CTNNA3: variants seen among roughly 807,000 people sequenced by gnomAD.
CTNNA3 encodes catenin alpha-3.
In CTNNA3, 76 loss-of-function variants were observed where a neutral mutation model predicts 95.7. The observed-to-expected ratio is 0.79, with a 90% CI of 0.66 to 0.96. The LOEUF (loss-of-function observed/expected upper bound fraction) is 0.96, where lower values mean the gene tolerates loss of function less well. Ranked by LOEUF, CTNNA3 falls within the 40% of genes least tolerant of loss-of-function variation. The pLI is 0.00. For missense variants in CTNNA3, 1,191 were observed against 1,089.8 expected (o/e 1.09, Z -1.31); for synonymous variants, 431 against 374.4 (o/e 1.15, Z -1.74).
chr10:67,589,784 CAT>C (rs1387849846), intron 3 of CTNNA3, among the ~76,000 whole-genome samples: 1 of 152,100 alleles, frequency 6.6e-6, no homozygotes, highest in Non-Finnish European at 1.5e-5. Context: ...GTGGGGATCT[CAT>C]AGTACTACTA....
intron 10 of CTNNA3, among the ~76,000 whole-genome samples, chr10:66,614,085 T>TA (rs1487372871): frequency 6.6e-6 from 1 of 152,138 alleles, no homozygotes; most frequent in Admixed American, 6.6e-5. Flanking sequence ...AAGTGTGTGC[T>TA]AAATACATCA....
At chr10:66,589,338 A>G (rs560585416) in intron 10 of CTNNA3, among the ~76,000 whole-genome samples, 5 of 152,164 alleles carry the variant, frequency 3.3e-5, no homozygotes, top group South Asian at 2.1e-4. Flanking sequence ...AAATTCTTCT[A>G]TTTCACTTTG....
intron 17 of CTNNA3, among the ~76,000 whole-genome samples, chr10:65,938,481 A>G (rs2077377550): frequency 1.3e-5 from 2 of 152,216 alleles, no homozygotes; most frequent in Admixed American, 6.5e-5. Flanking sequence ...ATAAGTATAT[A>G]GTGAGATGAC....
chr10:67,137,311 T>TA (rs11414842), intron 7 of CTNNA3, among the ~76,000 whole-genome samples: 86,207 of 151,878 alleles, frequency 0.57, 25,539 homozygotes, highest in African/African-American at 0.75. Context: ...TTTTCTGTAT[T>TA]AAAAAAATAT....
intron 5 of CTNNA3, among the ~76,000 whole-genome samples, chr10:67,503,438 C>G (rs1206923685): frequency 6.6e-6 from 1 of 152,164 alleles, no homozygotes; most frequent in Non-Finnish European, 1.5e-5. Context: ...ATATGTCTAT[C>G]TTAACTATTT....
chr10:67,441,630 T>C (rs1846521045), intron 5 of CTNNA3, among the ~76,000 whole-genome samples: 1 of 152,138 alleles, frequency 6.6e-6, no homozygotes, highest in Non-Finnish European at 1.5e-5. Flanking sequence ...CAGTGGTAAC[T>C]TTATAGGCCA....
At chr10:66,251,391 C>A (rs946805353) in intron 13 of CTNNA3, among the ~76,000 whole-genome samples, 1 of 151,936 alleles carries the variant, frequency 6.6e-6, no homozygotes, top group Non-Finnish European at 1.5e-5. Flanking sequence ...GGTGATTTTG[C>A]TTTGTTAGGA....
intron 12 of CTNNA3, among the ~76,000 whole-genome samples, chr10:66,333,881 T>A (rs1431201082): frequency 2.0e-5 from 3 of 151,752 alleles, no homozygotes; most frequent in Admixed American, 6.6e-5. Flanking sequence ...TTTGTAGGTC[T>A]CTAGGGACTT....
At chr10:67,115,320 C>A (rs1036858347) in intron 7 of CTNNA3, among the ~76,000 whole-genome samples, 25 of 146,594 alleles carry the variant, frequency 1.7e-4, no homozygotes, top group African/African-American at 6.5e-4. Context: ...TTTTCAGTAA[C>A]AGATTTGGGG....
chr10:67,205,120 G>A (rs955231109), intron 6 of CTNNA3, among the ~76,000 whole-genome samples: 1 of 152,156 alleles, frequency 6.6e-6, no homozygotes, highest in African/African-American at 2.4e-5. Flanking sequence ...TTTAGTTTGG[G>A]GGAAGGGTTA....
intron 7 of CTNNA3, among the ~76,000 whole-genome samples, chr10:66,964,355 C>A (rs958613439): frequency 1.3e-5 from 2 of 150,446 alleles, no homozygotes; most frequent in African/African-American, 2.4e-5. Context: ...TGTGCTTTTT[C>A]ATAAATCACT....
chr10:66,454,925 A>G (rs2093486530), intron 11 of CTNNA3, among the ~76,000 whole-genome samples: 1 of 152,136 alleles, frequency 6.6e-6, no homozygotes, highest in Non-Finnish European at 1.5e-5. Flanking sequence ...GTATGTCTGT[A>G]CCACAACCAA....
chr10:66,076,693 G>A (rs956616967), intron 14 of CTNNA3, among the ~76,000 whole-genome samples: 10 of 151,494 alleles, frequency 6.6e-5, no homozygotes, highest in Non-Finnish European at 1.3e-4. Flanking sequence ...TAAATTATCA[G>A]GTATATTTGA....
At chr10:67,294,626 C>T (rs1222003835) in intron 5 of CTNNA3, among the ~76,000 whole-genome samples, 1 of 152,018 alleles carries the variant, frequency 6.6e-6, no homozygotes, top group Non-Finnish European at 1.5e-5. Context: ...AAAAGTGACT[C>T]CCCAGTTCTC....
At chr10:66,753,896 G>A (rs1839264913) in intron 9 of CTNNA3, among the ~76,000 whole-genome samples, 1 of 151,918 alleles carries the variant, frequency 6.6e-6, no homozygotes, top group Admixed American at 6.6e-5. Context: ...ATCTAAATAA[G>A]TAGAAAGACA....
intron 7 of CTNNA3, among the ~76,000 whole-genome samples, chr10:67,029,707 A>G (rs1853603320): frequency 6.6e-6 from 1 of 152,234 alleles, no homozygotes; most frequent in African/African-American, 2.4e-5. Flanking sequence ...GTAAAACAAA[A>G]GATATTTTTA....
chr10:67,530,547 C>G (rs1840295538), intron 4 of CTNNA3, among the ~76,000 whole-genome samples: 1 of 152,146 alleles, frequency 6.6e-6, no homozygotes, highest in African/African-American at 2.4e-5. Flanking sequence ...AACTTCTAAG[C>G]AGCAAAGCAT....
At chr10:67,606,275 T>C (rs1247247075) in intron 3 of CTNNA3, among the ~76,000 whole-genome samples, 1 of 152,206 alleles carries the variant, frequency 6.6e-6, no homozygotes, top group Non-Finnish European at 1.5e-5. Context: ...CCTATATTCA[T>C]TAGAAAATTG....
intron 15 of CTNNA3, among the ~76,000 whole-genome samples, chr10:66,048,998 CA>C (rs1050997666): frequency 2.0e-5 from 3 of 151,902 alleles, no homozygotes; most frequent in African/African-American, 7.3e-5. Context: ...ACAGGGTAAA[CA>C]AACAACCTAA....
Sources: allele counts gnomAD v4.1 joint callset (sites outside exome capture counted in the v4.1 genomes callset), GRCh38; gene constraint gnomAD v4.1.1; transcripts MANE v1.5; gene names NCBI Gene and HGNC (gene_info 2026-07-23, HGNC 2026-07-21).